The following ABCB1 variants were observed in gnomAD, a reference collection of about 807,000 sequenced individuals.
The protein encoded by ABCB1 is ATP-dependent translocase ABCB1.
A neutral mutation model predicts 142.0 loss-of-function variants in ABCB1; 69 were observed. The ratio of observed to expected loss-of-function variants is 0.49; its 90% confidence interval spans 0.40 to 0.59. The LOEUF (loss-of-function observed/expected upper bound fraction) is 0.59. Ranked by LOEUF, ABCB1 falls within the 20% of genes least tolerant of loss-of-function variation. The pLI, the probability that ABCB1 is intolerant of heterozygous loss-of-function variation, is 0.00. For synonymous variants in ABCB1, 532 were observed against 539.2 expected (o/e 0.99, Z 0.18); for missense variants, 1,326 against 1,554.7 (o/e 0.85, Z 2.47).
chr7:87,539,127 C>T, intron 19 of ABCB1, 141 bp downstream of exon 19: 1 of 900,970 alleles, frequency 1.1e-6, no homozygotes, highest in Non-Finnish European at 1.8e-6. Flanking sequence ...GGCGGTTCAA[C>T]CGCATCTCTG....
At chr7:87,554,495 A>G (rs1817230579) in intron 8 of ABCB1, among the ~76,000 whole-genome samples, 1 of 152,238 alleles carries the variant, frequency 6.6e-6, no homozygotes, top group Non-Finnish European at 1.5e-5. Context: ...GCCATGTAAT[A>G]CTTTTTACAT....
At chr7:87,504,547 G>A (rs28364273) in intron 27 of ABCB1, 98 bp from the exon 28 acceptor site, 22,679 of 1,505,620 alleles carry the variant, frequency 0.015, 204 homozygotes, top group Non-Finnish European at 0.018. Context: ...GGTGGCTCAC[G>A]CCTGTAATCC....
chr7:87,590,447 G>A (rs1024760293), intron 3 of ABCB1, among the ~76,000 whole-genome samples: 4 of 152,196 alleles, frequency 2.6e-5, no homozygotes, highest in African/African-American at 9.7e-5. Flanking sequence ...AGCCATACAT[G>A]GTATGACACA....
chr7:87,692,090 C>G (rs1828067489), intron 1 of ABCB1, among the ~76,000 whole-genome samples: 1 of 152,110 alleles, frequency 6.6e-6, no homozygotes, highest in Non-Finnish European at 1.5e-5. Context: ...TTCCCATGGT[C>G]TTTCACAGCC....
rs28401794 is a variant in ABCB1 at position 87,516,882 on chromosome 7, G to C, written c.2928-217C>G. Among the ~76,000 whole-genome samples, 6 of 151,886 alleles carry C rather than the reference G, an allele frequency of 4.0e-5. No homozygotes were observed. The East Asian group carries it at 5.8e-4, about 15-fold the overall frequency. On this transcript the variant is annotated intron_variant, in intron 23 of 27. Coordinates refer to ENST00000622132, the MANE Select transcript of ABCB1 (RefSeq NM_001348946.2). ...CTCTGTAGTAGCTGGGACTACAACT[G>C]TGCATGACCACACCAGCTAATTGTT... is the stretch of plus-strand genomic sequence containing the variant.
At chr7:87,506,563 C>A (rs1814757902) in intron 26 of ABCB1, among the ~76,000 whole-genome samples, 2 of 152,106 alleles carry the variant, frequency 1.3e-5, no homozygotes, top group African/African-American at 2.4e-5. Flanking sequence ...AAAATGGATT[C>A]CATTTTGATA....
chr7:87,524,807 A>G (rs866332673), intron 21 of ABCB1, among the ~76,000 whole-genome samples: 1 of 152,154 alleles, frequency 6.6e-6, no homozygotes, highest in South Asian at 2.1e-4. Flanking sequence ...TAATTATCAG[A>G]ATTCTAACAA....
intron 1 of ABCB1, among the ~76,000 whole-genome samples, chr7:87,694,891 G>A (rs1828365792): frequency 6.6e-6 from 1 of 152,090 alleles, no homozygotes; most frequent in South Asian, 2.1e-4. Context: ...GGAAAATTAA[G>A]AGTTGACTAA....
intron 1 of ABCB1, among the ~76,000 whole-genome samples, chr7:87,645,022 A>C (rs1194310872): frequency 1.3e-5 from 2 of 151,790 alleles, no homozygotes; most frequent in East Asian, 3.9e-4. Flanking sequence ...TGACAAAGGG[A>C]AAAAGGTAGT....
At chr7:87,635,831 G>T (rs576764204) in intron 1 of ABCB1, among the ~76,000 whole-genome samples, 1 of 152,234 alleles carries the variant, frequency 6.6e-6, no homozygotes, top group African/African-American at 2.4e-5. Flanking sequence ...TATTTTAAAT[G>T]AATGGAATAA....
intron 3 of ABCB1, among the ~76,000 whole-genome samples, chr7:87,587,922 C>T (rs1818831987): frequency 7.3e-6 from 1 of 136,346 alleles, no homozygotes; most frequent in Non-Finnish European, 1.6e-5. Flanking sequence ...GAAAAGTAAA[C>T]TGAGACAGAA....
At chr7:87,577,437 A>G (rs1211370387) in intron 4 of ABCB1, among the ~76,000 whole-genome samples, 3 of 152,174 alleles carry the variant, frequency 2.0e-5, no homozygotes, top group African/African-American at 7.2e-5. Context: ...GCAGAGGGAT[A>G]ACTGGATCAT....
intron 3 of ABCB1, among the ~76,000 whole-genome samples, chr7:87,593,106 T>A (rs1312274606): frequency 6.6e-6 from 1 of 152,082 alleles, no homozygotes; most frequent in Non-Finnish European, 1.5e-5. Flanking sequence ...TTTGTACTTT[T>A]CACATAGACA....
intron 1 of ABCB1, chr7:87,628,580 C>CGTGTGTGT (rs1430415147): frequency 4.1e-5 from 12 of 292,842 alleles, no homozygotes; most frequent in African/African-American, 1.6e-4. Flanking sequence ...GTGGTGCGTG[C>CGTGTGTGT]GTGCGTGTGT....
At chr7:87,534,204 C>T (rs1731536603) in intron 20 of ABCB1, among the ~76,000 whole-genome samples, 1 of 152,128 alleles carries the variant, frequency 6.6e-6, no homozygotes, top group Non-Finnish European at 1.5e-5. Flanking sequence ...GGTTCTGCTG[C>T]AAAAGACTGA....
At chr7:87,553,679 A>G in intron 9 of ABCB1, 82 bp downstream of exon 9, 1 of 1,436,448 alleles carries the variant, frequency 7.0e-7, no homozygotes, top group Non-Finnish European at 9.8e-7. Flanking sequence ...TTCAAAATAT[A>G]TTCTTCTAAA....
rs1181324531 is a variant in ABCB1, at chr7:87,680,098, C to T, written c.-331+33063G>A. ...GTGTCCATGTGTTCTCGTTGTTCAA[C>T]TTCCACTTATGAGTGAGAACATGCA... On this transcript the variant is annotated intron_variant, in intron 1 of 28. Transcript: ENST00000265724. 1.3e-5 allele frequency among the ~76,000 whole-genome samples: 2 copies of T among 150,294 alleles called. 1 individual carries two copies.
At chr7:87,667,541 G>C (rs1825386679) in intron 1 of ABCB1, among the ~76,000 whole-genome samples, 1 of 152,208 alleles carries the variant, frequency 6.6e-6, no homozygotes, top group South Asian at 2.1e-4. Context: ...AATAGTAGTG[G>C]TGAGAGAGGG....
At chr7:87,704,762 T>A (rs1829437305) in intron 1 of ABCB1, among the ~76,000 whole-genome samples, 1 of 152,240 alleles carries the variant, frequency 6.6e-6, no homozygotes, top group African/African-American at 2.4e-5. Flanking sequence ...GTTGCCTAGT[T>A]ATGCTGGGAA....
Sources: gnomAD v4.1 joint callset for allele counts (sites outside exome capture counted in the v4.1 genomes callset) on GRCh38, gnomAD v4.1.1 for gene constraint, MANE v1.5 for transcripts, NCBI Gene and HGNC (gene_info 2026-07-23, HGNC 2026-07-21) for gene names.